Variants in SMAD1 observed in about 807,000 individuals in gnomAD.
SMAD1 encodes the protein SMAD family member 1, also known as MAD, mothers against decapentaplegic homolog 1.
Under a neutral mutation model 41.6 loss-of-function variants are expected in SMAD1, and 6 were observed. The observed-to-expected ratio is 0.14, with a 90% CI of 0.08 to 0.28. The LOEUF is 0.28. SMAD1 is among the 10% of genes least tolerant of loss of function. The probability of loss-of-function intolerance (pLI) is 1.00; values close to 1 mark genes in which losing one functional copy is unlikely to be tolerated. For synonymous variants in SMAD1, 206 were observed against 203.2 expected (o/e 1.01, Z -0.12); for missense variants, 379 against 582.6 (o/e 0.65, Z 3.60).
At chr4:145,509,819 A>G (rs1256927965) in intron 1 of SMAD1, among the ~76,000 whole-genome samples, 1 of 152,232 alleles carries the variant, frequency 6.6e-6, no homozygotes, top group Non-Finnish European at 1.5e-5. Flanking sequence ...CAAAAAAACT[A>G]GTAAATTTGG....
intron 2 of SMAD1, among the ~76,000 whole-genome samples, chr4:145,530,076 C>A (rs1449200183): frequency 1.3e-5 from 2 of 152,150 alleles, no homozygotes; most frequent in Admixed American, 6.5e-5. Context: ...CTATTAGGTG[C>A]CAGACACTGG....
At chr4:145,503,430 T>C (rs1206615959) in intron 1 of SMAD1, among the ~76,000 whole-genome samples, 1 of 152,198 alleles carries the variant, frequency 6.6e-6, no homozygotes, top group Admixed American at 6.5e-5. Flanking sequence ...TACGTTAGCA[T>C]CAGTAAAGAG....
chr4:145,523,807 G>A (rs751121805), intron 2 of SMAD1, among the ~76,000 whole-genome samples: 1 of 152,166 alleles, frequency 6.6e-6, no homozygotes, highest in Non-Finnish European at 1.5e-5. Flanking sequence ...CCTTAGGGTG[G>A]GGTGGGTGCC....
chr4:145,548,777 A>C (rs1406062801), intron 5 of SMAD1, among the ~76,000 whole-genome samples: 3 of 152,222 alleles, frequency 2.0e-5, no homozygotes, highest in African/African-American at 7.2e-5. Flanking sequence ...GTTTACCCTC[A>C]AACTGCCTGT....
At chr4:145,481,764 AGCGGGCGGGCG>A (rs1728182415), upstream of SMAD1, 2 of 192,816 alleles carry the variant, frequency 1.0e-5, no homozygotes, top group Non-Finnish European at 2.1e-5. Context: ...TGAGCGTGTG[AGCGGGCGGGCG>A]GGCAGGCGAG....
intron 2 of SMAD1, among the ~76,000 whole-genome samples, chr4:145,527,618 T>C (rs1158852119): frequency 6.6e-6 from 1 of 152,080 alleles, no homozygotes; most frequent in African/African-American, 2.4e-5. Context: ...ACAACTTGTA[T>C]CTGGAAAGCC....
chr4:145,534,580 T>C (rs1376843418), intron 2 of SMAD1, among the ~76,000 whole-genome samples: 1 of 152,206 alleles, frequency 6.6e-6, no homozygotes, highest in Non-Finnish European at 1.5e-5. Flanking sequence ...TAGAACAGGA[T>C]GAAATGTAGT....
intron 2 of SMAD1, among the ~76,000 whole-genome samples, chr4:145,527,448 C>T (rs1324430056): frequency 6.6e-6 from 1 of 152,104 alleles, no homozygotes; most frequent in African/African-American, 2.4e-5. Context: ...TGGTCTCGAT[C>T]TCCTGACCTC....
intron 5 of SMAD1, among the ~76,000 whole-genome samples, chr4:145,552,008 A>G (rs1732577844): frequency 6.6e-6 from 1 of 152,208 alleles, no homozygotes; most frequent in South Asian, 2.1e-4. Context: ...CATTCATACA[A>G]TCATGGAGAT....
intron 2 of SMAD1, among the ~76,000 whole-genome samples, chr4:145,537,666 C>A (rs1731691553): frequency 6.6e-6 from 1 of 152,038 alleles, no homozygotes; most frequent in Non-Finnish European, 1.5e-5. Context: ...GCTACACACA[C>A]ACAGCATTGG....
intron 1 of SMAD1, among the ~76,000 whole-genome samples, chr4:145,510,576 G>A (rs1730023293): frequency 6.6e-6 from 1 of 152,068 alleles, no homozygotes; most frequent in African/African-American, 2.4e-5. Flanking sequence ...TAAAATCAAA[G>A]AATATGTTCT....
At position 145,514,785 on chromosome 4, in the gene SMAD1, C is replaced by T; in HGVS notation, c.172C>T (p.Pro58Ser). 6.2e-7 allele frequency: 1 copy of T among 1,614,040 alleles called. No individual in the cohort carries two copies. The highest frequency in any genetic ancestry group is 8.5e-7 in the Non-Finnish European group (1 of 1,180,004). Residue 58 changes from proline (P) to serine (S), a missense_variant, in exon 2 of 7, where the codon CCA (proline) becomes TCA (serine). This residue lies in a region of SMAD1 where 64 missense variants were observed against 153.9 expected (regional missense o/e 0.42). Coordinates refer to ENST00000302085, the MANE Select transcript of SMAD1 (RefSeq NM_005900.3). The surrounding 1 kb of genome is among the most constrained non-coding windows in gnomAD (Gnocchi z 4.7). Reference protein sequence around the residue: ...MEELEKALSCPGQPSNCVTIP... With the variant: ...MEELEKALSCSGQPSNCVTIP... Reference sequence around the variant, plus strand: ...GGAACTGGAAAAGGCCTTGAGCTGCCCAGGGCAACCGAGTAACTGTGTCAC... The same window carrying T: ...GGAACTGGAAAAGGCCTTGAGCTGCTCAGGGCAACCGAGTAACTGTGTCAC...
At position 145,500,105 on chromosome 4, in the gene SMAD1, G is replaced by T. The variant is rs530938417; in HGVS notation, c.-176-14333G>T. 3.9e-5 allele frequency among the ~76,000 whole-genome samples: 6 copies of T among 152,158 alleles called. No homozygotes were observed. The East Asian group carries it at 5.8e-4, about 15-fold the overall frequency. On this transcript the variant is annotated intron_variant, in intron 1 of 6. Transcript: ENST00000302085. ...TCCAGAATCTGACGACTTCTGCCAC[G>T]CTGGTTGAAATCTTTATCATCTTGT...
At chr4:145,531,657 CTG>C (rs927023527) in intron 2 of SMAD1, among the ~76,000 whole-genome samples, 2 of 152,126 alleles carry the variant, frequency 1.3e-5, no homozygotes, top group African/African-American at 2.4e-5. Flanking sequence ...TGTGAGGAAA[CTG>C]AGTCCCTGAG....
intron 1 of SMAD1, among the ~76,000 whole-genome samples, chr4:145,506,703 C>A (rs1287625870): frequency 1.3e-5 from 2 of 151,728 alleles, no homozygotes; most frequent in African/African-American, 4.8e-5. Flanking sequence ...AAAAAACTTT[C>A]TGTGGGAATT....
intron 1 of SMAD1, among the ~76,000 whole-genome samples, chr4:145,511,140 C>G (rs1403478697): frequency 6.6e-6 from 1 of 152,160 alleles, no homozygotes; most frequent in Non-Finnish European, 1.5e-5. Flanking sequence ...ATGTTCCCCA[C>G]AACTCTCTTA....
At chr4:145,523,999 A>G (rs1730896845) in intron 2 of SMAD1, among the ~76,000 whole-genome samples, 1 of 152,108 alleles carries the variant, frequency 6.6e-6, no homozygotes, top group Non-Finnish European at 1.5e-5. Flanking sequence ...TCCTGACTTC[A>G]AGGCATCCTC....
At chr4:145,528,184 A>G (rs1022461479) in intron 2 of SMAD1, among the ~76,000 whole-genome samples, 6 of 148,096 alleles carry the variant, frequency 4.1e-5, no homozygotes, top group African/African-American at 5.0e-5. Flanking sequence ...GCCCACTGCA[A>G]CCTCCACCTC....
intron 2 of SMAD1, among the ~76,000 whole-genome samples, chr4:145,535,776 T>A (rs1409167016): frequency 6.6e-6 from 1 of 151,940 alleles, no homozygotes; most frequent in Non-Finnish European, 1.5e-5. Flanking sequence ...GTTGATTTAA[T>A]TTTGCTTTTT....
Sources: allele counts gnomAD v4.1 joint callset (sites outside exome capture counted in the v4.1 genomes callset), GRCh38; gene constraint gnomAD v4.1.1; regional missense constraint gnomAD v4.1.1; non-coding constraint Gnocchi (gnomAD v3.1); transcripts MANE v1.5; gene names NCBI Gene and HGNC (gene_info 2026-07-23, HGNC 2026-07-21).